WDR82: variants seen among roughly 807,000 people sequenced by gnomAD.
WDR82 encodes the protein WD repeat domain 82.
A neutral mutation model predicts 36.1 loss-of-function variants in WDR82; 8 were observed. The ratio of observed to expected loss-of-function variants is 0.22; its 90% confidence interval spans 0.13 to 0.40. The LOEUF is 0.40. WDR82 is among the 10% of genes least tolerant of loss of function. WDR82 has a pLI of 1.00. For missense variants in WDR82, 185 were observed against 400.5 expected, an observed-to-expected ratio of 0.46 and a Z score of 4.59; for synonymous variants, 129 against 137.8, an observed-to-expected ratio of 0.94 and a Z score of 0.45.
chr3:52,277,329 C>G (rs1043895645), intron 1 of WDR82, among the ~76,000 whole-genome samples: 1 of 151,832 alleles, frequency 6.6e-6, no homozygotes, highest in Non-Finnish European at 1.5e-5. Context: ...CGAAAAGATG[C>G]AGGTATGGTG....
At chr3:52,257,608 G>A in intron 8 of WDR82, 89 bp from the exon 9 acceptor site, 3 of 1,550,642 alleles carry the variant, frequency 1.9e-6, no homozygotes, top group Non-Finnish European at 2.7e-6. Flanking sequence ...GCAAAAATGT[G>A]CCCAACCCCA....
intron 3 of WDR82, among the ~76,000 whole-genome samples, chr3:52,261,811 T>C (rs972448372): frequency 6.6e-6 from 1 of 152,226 alleles, no homozygotes; most frequent in Non-Finnish European, 1.5e-5. Context: ...GGAACCCTCA[T>C]ACATTGCTAA....
rs956458747 is a variant in WDR82 at position 52,255,437 on chromosome 3, C to A, written c.*2053G>T. On this transcript the variant is annotated 3_prime_UTR_variant, in exon 9 of 9. Transcript: ENST00000296490. ...AATCATTCCTACTGTGAATTTTCTA[C>A]CCGGAAAAGCCAGGGGTGGGCAATA... 2.0e-5 allele frequency: 3 copies of A among 152,104 alleles called. No homozygotes were observed. The highest frequency in any genetic ancestry group is 1.3e-4 in the Admixed American group (2 of 15,260). The allele number at this position is 152,104 out of a possible 1,614,324, so 9.4% of individuals were successfully genotyped here.
rs1239367119 is a variant in WDR82, at chr3:52,256,344, T to C, written c.*1146A>G. 7 of 153,816 alleles carry C rather than the reference T, an allele frequency of 4.6e-5. No homozygotes were observed. Among genetic ancestry groups the C allele is most frequent in the South Asian group, 2.1e-4 (1 of 4,836 alleles). The allele number at this position is 153,816 out of a possible 1,614,324, so 9.5% of individuals were successfully genotyped here. On this transcript the variant is annotated 3_prime_UTR_variant, in exon 9 of 9. Coordinates refer to ENST00000296490, the MANE Select transcript of WDR82 (RefSeq NM_025222.4). ...TCTTGGAAACTACAGATGAGAGATA[T>C]ATGCATACGCACACACATATATGCG...
chr3:52,258,134 C>A (rs1020521559), intron 8 of WDR82, among the ~76,000 whole-genome samples: 2 of 152,094 alleles, frequency 1.3e-5, no homozygotes, highest in African/African-American at 4.8e-5. Flanking sequence ...TTATGACCAA[C>A]TGTAGAAATT....
chr3:52,274,185 C>T (rs991352169), intron 1 of WDR82, among the ~76,000 whole-genome samples: 1 of 152,156 alleles, frequency 6.6e-6, no homozygotes, highest in African/African-American at 2.4e-5. Context: ...TTTAAATGAC[C>T]AGTAAACTGG....
chr3:52,270,486 T>G (rs1700143698), intron 2 of WDR82, among the ~76,000 whole-genome samples: 1 of 152,154 alleles, frequency 6.6e-6, no homozygotes, highest in African/African-American at 2.4e-5. Context: ...CTTTTTCCAC[T>G]CCCCACTCTG....
chr3:52,278,371 T>C lies in WDR82; in HGVS notation c.-10A>G, dbSNP rs1275696944. 30 of 1,534,494 alleles carry C rather than the reference T, an allele frequency of 2.0e-5. No homozygotes were observed. In the Middle Eastern group the frequency reaches 5.2e-4, roughly 27 times the overall value. On this transcript the variant is annotated 5_prime_UTR_variant, in exon 1 of 9. Coordinates refer to ENST00000296490, the MANE Select transcript of WDR82 (RefSeq NM_025222.4). ...TGTCGGTCAGCTTCATGGCGGCGGC[T>C]GGGGAAGGCAGCGGCGGCGCAGGGC...
chr3:52,266,118 C>T (rs1223674580), intron 3 of WDR82, among the ~76,000 whole-genome samples: 7 of 152,072 alleles, frequency 4.6e-5, no homozygotes, highest in Non-Finnish European at 1.0e-4. Flanking sequence ...CATTACAATA[C>T]AGAAAAAGGA....
intron 1 of WDR82, among the ~76,000 whole-genome samples, chr3:52,277,180 G>C (rs1335877620): frequency 6.6e-6 from 1 of 151,974 alleles, no homozygotes; most frequent in Non-Finnish European, 1.5e-5. Flanking sequence ...AAGCCTTCTT[G>C]GGGAAGGTGG....
intron 1 of WDR82, 30 bp from the exon 2 acceptor site, chr3:52,270,839 G>T: frequency 1.3e-6 from 2 of 1,507,808 alleles, no homozygotes; most frequent in South Asian, 2.4e-5. Flanking sequence ...AGAAAATCAT[G>T]AACATTCTCC....
At chr3:52,261,163 C>G (rs1436035962) in intron 4 of WDR82, among the ~76,000 whole-genome samples, 1 of 151,958 alleles carries the variant, frequency 6.6e-6, no homozygotes, top group African/African-American at 2.4e-5. Flanking sequence ...AACAAAAAAC[C>G]CACAACAATT....
chr3:52,276,740 G>A (rs890939333), intron 1 of WDR82, among the ~76,000 whole-genome samples: 2 of 152,062 alleles, frequency 1.3e-5, no homozygotes, highest in African/African-American at 2.4e-5. Flanking sequence ...GACCAGACCA[G>A]GACAGAAATC....
intron 3 of WDR82, among the ~76,000 whole-genome samples, chr3:52,264,260 T>C (rs921435603): frequency 1.3e-5 from 2 of 152,094 alleles, no homozygotes; most frequent in African/African-American, 4.8e-5. Flanking sequence ...GCCACCTGAA[T>C]GGAGGTAAAT....
chr3:52,276,191 T>C (rs1215254443), intron 1 of WDR82, among the ~76,000 whole-genome samples: 1 of 152,174 alleles, frequency 6.6e-6, no homozygotes, highest in African/African-American at 2.4e-5. Context: ...CCTAGCACTT[T>C]GGAAGGCCAA....
intron 4 of WDR82, 52 bp from the exon 5 acceptor site, chr3:52,260,553 C>A: frequency 7.9e-7 from 1 of 1,272,618 alleles, no homozygotes; most frequent in Non-Finnish European, 1.1e-6. Flanking sequence ...CACAACCATA[C>A]GTGGAATAAC....
At chr3:52,260,655 T>C (rs559033585) in intron 4 of WDR82, among the ~76,000 whole-genome samples, 154 bp from the exon 5 acceptor site, 1 of 152,130 alleles carries the variant, frequency 6.6e-6, no homozygotes, top group South Asian at 2.1e-4. Context: ...AAGAAAGGCA[T>C]ACAAACAAAT....
intron 1 of WDR82, 32 bp downstream of exon 1, chr3:52,278,169 A>C (rs750404674): frequency 6.5e-7 from 1 of 1,539,678 alleles, no homozygotes; most frequent in East Asian, 2.6e-5. Context: ...GGAGGCACTG[A>C]GACTCGGGCC....
In WDR82 at chr3:52,265,044, G is replaced by A. The variant is rs376111920; in HGVS notation, c.326+1908C>T. 3.3e-5 allele frequency among the ~76,000 whole-genome samples: 5 copies of A among 151,956 alleles called. No homozygotes were observed. The East Asian group carries it at 5.8e-4, about 18-fold the overall frequency. ...ATCAGGAGGTCGGCCAGCCGGGTGC[G>A]GTGGCTCACGTCTGTAATCCCAGCA... is the stretch of plus-strand genomic sequence containing the variant. On this transcript the variant is annotated intron_variant, in intron 3 of 8. Coordinates refer to ENST00000296490, the MANE Select transcript of WDR82 (RefSeq NM_025222.4).
Sources: allele counts gnomAD v4.1 joint callset (sites outside exome capture counted in the v4.1 genomes callset), GRCh38; gene constraint gnomAD v4.1.1; transcripts MANE v1.5; gene names NCBI Gene and HGNC (gene_info 2026-07-23, HGNC 2026-07-21).